Variants in VWA3B observed in about 807,000 individuals in gnomAD.
The protein encoded by VWA3B is von Willebrand factor A domain containing 3B, also known as von Willebrand factor A domain-containing protein 3B.
Under a neutral mutation model 158.3 loss-of-function variants are expected in VWA3B, and 138 were observed. The ratio of observed to expected loss-of-function variants is 0.87; its 90% CI spans 0.76 to 1.00. The LOEUF is 1.00. VWA3B is among the 50% of genes least tolerant of loss of function. The pLI, the probability that VWA3B is intolerant of heterozygous loss-of-function variation, is 0.00. For synonymous variants in VWA3B, 596 were observed against 587.3 expected (o/e 1.01, Z -0.21); for missense variants, 1,555 against 1,565.1 (o/e 0.99, Z 0.11).
chr2:98,140,052 C>T (rs1432836648), intron 7 of VWA3B, among the ~76,000 whole-genome samples: 2 of 152,142 alleles, frequency 1.3e-5, no homozygotes, highest in East Asian at 3.9e-4. Context: ...GTAACACTCA[C>T]CGTGAAGGTC....
At chr2:98,330,195 G>A in the VWA3B span, among the ~76,000 whole-genome samples, 7 of 152,162 alleles carry the variant, frequency 4.6e-5, no homozygotes, top group Non-Finnish European at 7.4e-5. Context: ...GCCAACATCA[G>A]ACATTTGCTT....
intron 21 of VWA3B, among the ~76,000 whole-genome samples, chr2:98,267,246 T>C (rs919595830): frequency 8.6e-5 from 13 of 151,896 alleles, no homozygotes; most frequent in Non-Finnish European, 1.8e-4. Context: ...ATTGAGAGTT[T>C]TTAGCATGAA....
chr2:98,300,276 G>C, intron 25 of VWA3B, 60 bp downstream of exon 25: 1 of 1,598,854 alleles, frequency 6.3e-7, no homozygotes, highest in Non-Finnish European at 8.5e-7. Flanking sequence ...CTGTATCCTG[G>C]CACTGCCAGG....
At chr2:98,306,236 G>A (rs1046412427) in intron 26 of VWA3B, among the ~76,000 whole-genome samples, 1 of 152,036 alleles carries the variant, frequency 6.6e-6, no homozygotes, top group Admixed American at 6.5e-5. Context: ...AACCCGTAGA[G>A]GTTTCTGTTA....
intron 8 of VWA3B, among the ~76,000 whole-genome samples, chr2:98,173,296 G>T (rs980362529): frequency 6.6e-6 from 1 of 152,196 alleles, no homozygotes; most frequent in Non-Finnish European, 1.5e-5. Context: ...TTTCTTCCCA[G>T]AACTCACATT....
At chr2:98,300,438 T>C (rs746744356) in intron 25 of VWA3B, among the ~76,000 whole-genome samples, 1 of 152,208 alleles carries the variant, frequency 6.6e-6, no homozygotes, top group African/African-American at 2.4e-5. Context: ...TGGCTCCCAC[T>C]GCTGAACCAT....
intron 6 of VWA3B, among the ~76,000 whole-genome samples, chr2:98,131,532 C>G (rs1207094065): frequency 1.3e-5 from 2 of 152,162 alleles, no homozygotes; most frequent in East Asian, 3.8e-4. Context: ...CATAGTCTTT[C>G]CTATAATGGC....
intron 13 of VWA3B, chr2:98,217,111 C>G: frequency 1.8e-6 from 1 of 560,570 alleles, no homozygotes; most frequent in Non-Finnish European, 2.7e-6. Context: ...GAGCTCCATC[C>G]CTGCAATGGG....
intron 21 of VWA3B, among the ~76,000 whole-genome samples, chr2:98,256,890 A>G (rs1032096849): frequency 1.3e-5 from 2 of 152,212 alleles, no homozygotes; most frequent in African/African-American, 4.8e-5. Flanking sequence ...TAATGATCAA[A>G]TCAGGATGTT....
At chr2:98,225,199 G>T (rs1684826199) in intron 14 of VWA3B, among the ~76,000 whole-genome samples, 1 of 152,206 alleles carries the variant, frequency 6.6e-6, no homozygotes, top group South Asian at 2.1e-4. Context: ...TTCCCAATGT[G>T]CTGGGGTTAC....
At chr2:98,322,121 T>A in the VWA3B span, among the ~76,000 whole-genome samples, 2 of 152,230 alleles carry the variant, frequency 1.3e-5, no homozygotes, top group South Asian at 2.1e-4. Context: ...TGTGGAACTG[T>A]GAGTCCATTA....
At chr2:98,199,615 T>C (rs1682360624) in intron 12 of VWA3B, among the ~76,000 whole-genome samples, 1 of 152,202 alleles carries the variant, frequency 6.6e-6, no homozygotes, top group Admixed American at 6.5e-5. Context: ...TCTTCTATAA[T>C]GGACTGTGAG....
chr2:98,231,606 A>C (rs935871761), intron 16 of VWA3B, among the ~76,000 whole-genome samples: 24 of 152,238 alleles, frequency 1.6e-4, no homozygotes, highest in Admixed American at 1.3e-3. Context: ...TTAAATGTAA[A>C]ACAGAAAACT....
Position 98,135,124 on chromosome 2 carries a change from T to C in VWA3B, c.988+1185T>C, listed in dbSNP as rs1676161938. 2.0e-5 allele frequency among the ~76,000 whole-genome samples: 3 copies of C among 152,134 alleles called. No homozygotes were observed. In the South Asian group the frequency reaches 6.2e-4, roughly 32 times the overall value. On this transcript the variant is annotated intron_variant, in intron 7 of 27. Coordinates refer to ENST00000477737, the MANE Select transcript of VWA3B (RefSeq NM_144992.5). The stretch of plus-strand genomic sequence containing the variant: ...TTACAAGATTAAGCCTAGTGGGCAA[T>C]GATTTAATCACGGCAAAGAATGTGA...
At chr2:98,268,843 G>A (rs902351000) in intron 21 of VWA3B, among the ~76,000 whole-genome samples, 16 of 152,050 alleles carry the variant, frequency 1.1e-4, no homozygotes, top group African/African-American at 3.9e-4. Flanking sequence ...TTACTTTGGA[G>A]CGTAAGTCAA....
chr2:98,158,363 C>T (rs190609978), intron 7 of VWA3B, among the ~76,000 whole-genome samples: 4 of 152,278 alleles, frequency 2.6e-5, no homozygotes, highest in East Asian at 1.9e-4. Flanking sequence ...GCCGCAGACC[C>T]CAGCCCACAA....
intron 2 of VWA3B, among the ~76,000 whole-genome samples, chr2:98,112,313 T>G (rs953726321): frequency 6.6e-6 from 1 of 151,826 alleles, no homozygotes; most frequent in South Asian, 2.1e-4. Flanking sequence ...GGTGTGTGTG[T>G]GTGTGTGTGT....
intron 9 of VWA3B, among the ~76,000 whole-genome samples, chr2:98,182,674 C>T (rs959399771): frequency 4.6e-5 from 7 of 151,946 alleles, no homozygotes; most frequent in Non-Finnish European, 1.0e-4. Flanking sequence ...AATCCCAGCA[C>T]TTTGGGAGGC....
At chr2:98,256,597 G>A (rs1386090930) in intron 21 of VWA3B, among the ~76,000 whole-genome samples, 1 of 152,124 alleles carries the variant, frequency 6.6e-6, no homozygotes, top group Non-Finnish European at 1.5e-5. Flanking sequence ...CCACTGACGG[G>A]CATTTGGGTT....
Sources: gnomAD v4.1 joint callset for allele counts (sites outside exome capture counted in the v4.1 genomes callset) on GRCh38, gnomAD v4.1.1 for gene constraint, MANE v1.5 for transcripts, NCBI Gene and HGNC (gene_info 2026-07-23, HGNC 2026-07-21) for gene names.